Variants in TLE2 observed in about 807,000 individuals in gnomAD.
The protein encoded by TLE2 is TLE family member 2, transcriptional corepressor.
A neutral mutation model predicts 97.2 loss-of-function variants in TLE2; 74 were observed. The observed-to-expected ratio is 0.76, with a 90% CI of 0.63 to 0.92. The LOEUF (loss-of-function observed/expected upper bound fraction) is 0.92, where lower values mean the gene tolerates loss of function less well. TLE2 is among the 40% of genes least tolerant of loss of function. TLE2 has a pLI of 0.00. For missense variants in TLE2, 1,038 were observed against 1,008.7 expected (o/e 1.03, Z -0.39); for synonymous variants, 499 against 432.1 (o/e 1.15, Z -1.92).
In TLE2 at chr19:3,005,463, G is replaced by A; in HGVS notation, c.1870C>T (p.Leu624=). Residue 624 remains leucine, a synonymous_variant, in exon 17 of 20, where the codon CTG becomes TTG. Coordinates refer to ENST00000262953, the MANE Select transcript of TLE2 (RefSeq NM_003260.5). ...RCWDLREGRQ[L]QQHDFSSQIF... The stretch of plus-strand genomic sequence containing the variant: ...TGGGAGCTGAAGTCATGCTGCTGCA[G>A]CTGGCGGCCCTCCCGCAGGTCCCAG... 1 of 1,613,858 alleles carries A rather than the reference G, an allele frequency of 6.2e-7. No individual in the cohort carries two copies. The highest frequency in any genetic ancestry group is 8.5e-7 in the Non-Finnish European group (1 of 1,179,840).
At chr19:3,013,888 C>T in intron 10 of TLE2, 70 bp from the exon 11 acceptor site, 1 of 1,330,548 alleles carries the variant, frequency 7.5e-7, no homozygotes, top group Non-Finnish European at 9.7e-7. Context: ...CTCTATCCTC[C>T]TCCCGACTCC....
At chr19:3,044,406 A>G (rs1372991537) in intron 1 of TLE2, among the ~76,000 whole-genome samples, 1 of 152,028 alleles carries the variant, frequency 6.6e-6, no homozygotes, top group African/African-American at 2.4e-5. Flanking sequence ...ACATCCACCC[A>G]TCTCACTGGC....
chr19:3,036,368 A>C (rs1011999151), intron 1 of TLE2, among the ~76,000 whole-genome samples: 2 of 151,846 alleles, frequency 1.3e-5, no homozygotes, highest in Non-Finnish European at 2.9e-5. Flanking sequence ...CCCTCCCGCC[A>C]GCTCCCGCTC....
chr19:3,001,084 C>T (rs1770216951), intron 18 of TLE2, among the ~76,000 whole-genome samples: 1 of 151,906 alleles, frequency 6.6e-6, no homozygotes, highest in Non-Finnish European at 1.5e-5. Flanking sequence ...ACCATCCTGG[C>T]CAACATGGTG....
At chr19:2,999,765 G>A (rs943381184) in intron 19 of TLE2, among the ~76,000 whole-genome samples, 4 of 149,528 alleles carry the variant, frequency 2.7e-5, no homozygotes, top group Admixed American at 2.0e-4. Context: ...GGGCGCAGTG[G>A]CTCACGCCTG....
chr19:3,028,678 C>T, intron 2 of TLE2, 28 bp downstream of exon 2: 1 of 1,610,874 alleles, frequency 6.2e-7, no homozygotes, highest in East Asian at 2.2e-5. Context: ...AGGTGAACTC[C>T]CGCGGCCCCT....
intron 15 of TLE2, 76 bp downstream of exon 15, chr19:3,006,344 G>A: frequency 6.5e-7 from 1 of 1,544,992 alleles, no homozygotes; most frequent in East Asian, 2.3e-5. Flanking sequence ...CGGCCAGCCT[G>A]CGAACACCGC....
At chr19:3,013,886 T>A in intron 10 of TLE2, 68 bp from the exon 11 acceptor site, 2 of 1,332,228 alleles carry the variant, frequency 1.5e-6, no homozygotes, top group Non-Finnish European at 1.9e-6. Context: ...TTCTCTATCC[T>A]CCTCCCGACT....
chr19:3,040,502 G>A (rs1408311662), intron 1 of TLE2, among the ~76,000 whole-genome samples: 1 of 151,724 alleles, frequency 6.6e-6, no homozygotes, highest in Non-Finnish European at 1.5e-5. Flanking sequence ...CACCATGCCC[G>A]GCTCATTTTT....
intron 16 of TLE2, 58 bp from the exon 17 acceptor site, chr19:3,005,642 C>T: frequency 6.2e-7 from 1 of 1,608,716 alleles, no homozygotes; most frequent in South Asian, 1.1e-5. Flanking sequence ...CAGCATCGTC[C>T]CAGGTCACAC....
chr19:3,038,386 A>T (rs188587626), intron 1 of TLE2, among the ~76,000 whole-genome samples: 264 of 152,152 alleles, frequency 1.7e-3, no homozygotes, highest in East Asian at 2.3e-3. Flanking sequence ...TTTAAAAAAA[A>T]TTTTTTTGTA....
chr19:3,043,402 C>T (rs184900762), intron 1 of TLE2, among the ~76,000 whole-genome samples: 3 of 129,350 alleles, frequency 2.3e-5, no homozygotes, highest in East Asian at 2.4e-4. Flanking sequence ...TGGTCTCGAA[C>T]GCCTAACCTC....
chr19:3,047,372 GC>G (rs370437434), upstream of TLE2, among the ~76,000 whole-genome samples: 3 of 80,048 alleles, frequency 3.7e-5, no homozygotes, highest in African/African-American at 1.4e-4. Context: ...CCTGCCACCC[GC>G]CCCCCAGCGG....
chr19:3,024,694 T>C (rs888312954), intron 5 of TLE2, among the ~76,000 whole-genome samples: 1 of 152,226 alleles, frequency 6.6e-6, no homozygotes, highest in Non-Finnish European at 1.5e-5. Context: ...ACAAGTGTCC[T>C]GCCTGAGGCC....
chr19:3,040,060 G>C (rs1395956992), intron 1 of TLE2, among the ~76,000 whole-genome samples: 1 of 152,240 alleles, frequency 6.6e-6, no homozygotes, highest in African/African-American at 2.4e-5. Context: ...CAGAGCTGGG[G>C]CTGGCACCAC....
At chr19:3,009,107 T>G (rs989922572) in intron 13 of TLE2, among the ~76,000 whole-genome samples, 162 bp from the exon 14 acceptor site, 1 of 151,640 alleles carries the variant, frequency 6.6e-6, no homozygotes, top group African/African-American at 2.4e-5. Flanking sequence ...AGGGCTGAGG[T>G]TTTCACTTGA....
At chr19:3,043,363 G>A (rs2090118328) in intron 1 of TLE2, among the ~76,000 whole-genome samples, 2 of 130,188 alleles carry the variant, frequency 1.5e-5, no homozygotes, top group African/African-American at 5.9e-5. Context: ...CCCTTCTGCA[G>A]CTTTTTTTTT....
intron 15 of TLE2, 187 bp from the exon 16 acceptor site, chr19:3,006,155 T>G (rs2089471498): frequency 1.1e-6 from 1 of 944,300 alleles, no homozygotes; most frequent in Non-Finnish European, 1.7e-6. Flanking sequence ...GACTATAAGC[T>G]CCATCCTTTA....
Position 3,013,704 on chromosome 19 carries a change from C to A in TLE2, c.838G>T (p.Gly280Cys). Residue 280 changes from glycine (G) to cysteine (C), a missense_variant, in exon 11 of 20, where the codon GGC becomes TGC. By Grantham distance (159) the Gly-to-Cys change is radical (BLOSUM62 -3). Coordinates refer to ENST00000262953, the MANE Select transcript of TLE2 (RefSeq NM_003260.5). ...DSPASLASSLGSPLPRAKELI... is the reference protein window; with the variant it reads ...DSPASLASSLCSPLPRAKELI... ...TCCTTGGCTCTAGGCAGCGGTGAGC[C>A]AAGGCTAGAGGCCAAGGAGGCTGGA... 6.6e-7 allele frequency: 1 copy of A among 1,504,454 alleles called. No homozygotes were observed. Among genetic ancestry groups the A allele is most frequent in the Non-Finnish European group, 8.9e-7 (1 of 1,127,122 alleles). The allele number at this position is 1,504,454 out of a possible 1,614,324, so 93.2% of individuals were successfully genotyped here.
Sources: allele counts gnomAD v4.1 joint callset (sites outside exome capture counted in the v4.1 genomes callset), GRCh38; gene constraint gnomAD v4.1.1; transcripts MANE v1.5; gene names NCBI Gene and HGNC (gene_info 2026-07-23, HGNC 2026-07-21).